RAB28: variants seen among roughly 807,000 people sequenced by gnomAD.
The protein encoded by RAB28 is RAB28, member RAS oncogene family.
In RAB28, 24 loss-of-function variants were observed where a neutral mutation model predicts 31.7. That is an observed-to-expected ratio of 0.76 (90% CI 0.55 to 1.06). The LOEUF is 1.06. Ranked by LOEUF, RAB28 falls within the 50% of genes least tolerant of loss-of-function variation. The pLI is 0.00. For synonymous variants in RAB28, 100 were observed against 90.4 expected (o/e 1.11, Z -0.60); for missense variants, 254 against 258.5 (o/e 0.98, Z 0.12).
intron 4 of RAB28, among the ~76,000 whole-genome samples, chr4:13,417,299 C>A (rs994507103): frequency 6.6e-6 from 1 of 152,220 alleles, no homozygotes; most frequent in African/African-American, 2.4e-5. Context: ...GTAAACCCCA[C>A]CTCTGGGAAC....
intron 5 of RAB28, among the ~76,000 whole-genome samples, chr4:13,379,688 G>T (rs1266788913): frequency 1.1e-4 from 16 of 152,190 alleles, no homozygotes; most frequent in African/African-American, 3.9e-4. Context: ...TGAGATAATA[G>T]AAGAGCCACA....
chr4:13,414,840 C>T (rs1032229335), intron 4 of RAB28, among the ~76,000 whole-genome samples: 2 of 151,996 alleles, frequency 1.3e-5, no homozygotes. Flanking sequence ...TCATATATGC[C>T]TTCATTAAAT....
chr4:13,439,482 G>A (rs144144741), intron 4 of RAB28, among the ~76,000 whole-genome samples: 4 of 151,044 alleles, frequency 2.6e-5, no homozygotes, highest in Non-Finnish European at 4.4e-5. Flanking sequence ...AGCCTCATGG[G>A]TAGCTGGGAG....
At chr4:13,435,017 C>CAAAA (rs991889676) in intron 4 of RAB28, among the ~76,000 whole-genome samples, 1,475 of 46,918 alleles carry the variant, frequency 0.031, 16 homozygotes, top group African/African-American at 0.051. Flanking sequence ...GACTCCGTCT[C>CAAAA]AAAAAAAAAA....
At chr4:13,458,018 G>C (rs993809514) in intron 4 of RAB28, among the ~76,000 whole-genome samples, 1 of 152,100 alleles carries the variant, frequency 6.6e-6, no homozygotes, top group Non-Finnish European at 1.5e-5. Flanking sequence ...ACTAAAATGA[G>C]AAGCTGAACC....
intron 4 of RAB28, among the ~76,000 whole-genome samples, chr4:13,448,065 A>T (rs907618581): frequency 2.6e-5 from 4 of 152,156 alleles, no homozygotes; most frequent in Non-Finnish European, 5.9e-5. Flanking sequence ...AGCTCACGTA[A>T]CTAGATAAAA....
At chr4:13,368,800 G>C in intron 6 of RAB28, 150 bp from the exon 7 acceptor site, 1 of 556,582 alleles carries the variant, frequency 1.8e-6, no homozygotes, top group Non-Finnish European at 2.8e-6. Flanking sequence ...GAATAAGCCA[G>C]ACAAACAAAC....
chr4:13,462,023 A>C lies in RAB28; in HGVS notation c.262-1195T>G, dbSNP rs181793409. Among the ~76,000 whole-genome samples, 3 of 152,342 alleles carry C rather than the reference A, an allele frequency of 2.0e-5. No homozygotes were observed. In the East Asian group the frequency reaches 5.8e-4, roughly 29 times the overall value. ...ATTTGAACCAAAGACTAAATAATTA[A>C]AAACATTTGTCTGTCAACTAAACTC... On this transcript the variant is annotated intron_variant, in intron 3 of 6. Transcript: ENST00000330852.
At chr4:13,375,627 C>T (rs1728887953) in intron 6 of RAB28, among the ~76,000 whole-genome samples, 2 of 152,100 alleles carry the variant, frequency 1.3e-5, no homozygotes, top group African/African-American at 2.4e-5. Flanking sequence ...CTGTATTTGG[C>T]CATACCAAGT....
chr4:13,415,644 G>A (rs1253180834), intron 4 of RAB28, among the ~76,000 whole-genome samples: 1 of 152,154 alleles, frequency 6.6e-6, no homozygotes, highest in Non-Finnish European at 1.5e-5. Context: ...CCATGCCTGA[G>A]CCTCCCCCGC....
At chr4:13,414,431 T>C (rs1382680855) in intron 4 of RAB28, among the ~76,000 whole-genome samples, 1 of 152,024 alleles carries the variant, frequency 6.6e-6, no homozygotes, top group Admixed American at 6.5e-5. Context: ...AACACCAAAT[T>C]CTCGTATCAA....
chr4:13,457,957 T>C (rs1204551480), intron 4 of RAB28, among the ~76,000 whole-genome samples: 1 of 152,074 alleles, frequency 6.6e-6, no homozygotes, highest in Admixed American at 6.6e-5. Flanking sequence ...ATGCAAAACC[T>C]CCAATAAAGC....
intron 4 of RAB28, among the ~76,000 whole-genome samples, chr4:13,448,242 T>G (rs117930677): frequency 6.6e-6 from 1 of 152,122 alleles, no homozygotes; most frequent in Non-Finnish European, 1.5e-5. Context: ...AAGAAATGTT[T>G]CTATAGCTCT....
intron 4 of RAB28, among the ~76,000 whole-genome samples, chr4:13,457,134 A>T (rs1198164713): frequency 6.6e-6 from 1 of 152,178 alleles, no homozygotes; most frequent in South Asian, 2.1e-4. Flanking sequence ...AAATTTTAAA[A>T]CCACATTTAG....
chr4:13,373,438 T>C (rs547582224), intron 6 of RAB28, among the ~76,000 whole-genome samples: 5 of 152,278 alleles, frequency 3.3e-5, no homozygotes, highest in South Asian at 4.1e-4. Flanking sequence ...AATGGATCTA[T>C]AGTGTTCATT....
chr4:13,484,160 G>A lies in RAB28; in HGVS notation c.-10C>T, dbSNP rs780651015. ...CCTCAGAGTCCGACATGGTGTCCCG[G>A]GAACCAGGCCCGCCCCTCGAGGTGG... is the stretch of plus-strand genomic sequence containing the variant. On this transcript the variant is annotated 5_prime_UTR_variant, in exon 1 of 7. Coordinates refer to ENST00000330852, the MANE Select transcript of RAB28 (RefSeq NM_001017979.3). The A allele has an allele frequency of 1.3e-6, 2 of 1,575,310 alleles. No homozygotes were observed. Among genetic ancestry groups the A allele is most frequent in the Admixed American group, 1.8e-5 (1 of 55,204 alleles).
At chr4:13,423,498 A>G (rs1481545666) in intron 4 of RAB28, among the ~76,000 whole-genome samples, 1 of 152,116 alleles carries the variant, frequency 6.6e-6, no homozygotes, top group African/African-American at 2.4e-5. Context: ...GGGAAAAAAA[A>G]AGGTGAGAAT....
At chr4:13,417,150 C>T (rs374541746) in intron 4 of RAB28, among the ~76,000 whole-genome samples, 3 of 152,214 alleles carry the variant, frequency 2.0e-5, no homozygotes, top group Non-Finnish European at 2.9e-5. Context: ...CAGCAGTCTG[C>T]GATCGACCTG....
chr4:13,374,869 T>A (rs549048735), intron 6 of RAB28, among the ~76,000 whole-genome samples: 2 of 152,296 alleles, frequency 1.3e-5, no homozygotes, highest in East Asian at 3.9e-4. Flanking sequence ...AAAATGATTA[T>A]AGGTCTAATA....
Sources: allele counts gnomAD v4.1 joint callset (sites outside exome capture counted in the v4.1 genomes callset), GRCh38; gene constraint gnomAD v4.1.1; transcripts MANE v1.5; gene names NCBI Gene and HGNC (gene_info 2026-07-23, HGNC 2026-07-21).